The following PHACTR2 variants were observed in gnomAD, a reference collection of about 807,000 sequenced individuals.
PHACTR2 encodes phosphatase and actin regulator 2.
PHACTR2 carries 30 observed loss-of-function variants against 76.0 expected under a neutral mutation model. The ratio of observed to expected loss-of-function variants is 0.39; its 90% CI spans 0.30 to 0.54. PHACTR2 has a LOEUF of 0.54. Among genes scored for constraint, PHACTR2 ranks in the 20% least tolerant of loss-of-function variants. The pLI is 0.61. For synonymous variants in PHACTR2, 292 were observed against 292.5 expected, an observed-to-expected ratio of 1.00 and a Z score of 0.02; for missense variants, 696 against 781.1, an observed-to-expected ratio of 0.89 and a Z score of 1.30.
intron 1 of PHACTR2, among the ~76,000 whole-genome samples, chr6:143,609,461 ATGTG>A (rs1220490129): frequency 1.3e-5 from 2 of 152,160 alleles, no homozygotes; most frequent in African/African-American, 4.8e-5. Context: ...AAGTGTAAGG[ATGTG>A]TGTGTAGTAG....
rs1470516532 is a variant in PHACTR2 at position 143,794,259 on chromosome 6, T to C, written c.1845+5349T>C. ...TTTATTTTAGAATGAAAATAACACA[T>C]GCTAATCACCATTATTAACAAGCAT... On this transcript the variant is annotated intron_variant, in intron 11 of 12. Coordinates refer to ENST00000440869, the MANE Select transcript of PHACTR2 (RefSeq NM_001100164.2). The surrounding 1 kb of genome is among the most constrained non-coding windows in gnomAD (Gnocchi z 4.1). Among the ~76,000 whole-genome samples the C allele has an allele frequency of 6.6e-6, 1 of 151,420 alleles. No homozygotes were observed. The highest frequency in any genetic ancestry group is 1.9e-4 in the East Asian group (1 of 5,190).
rs114311334 is a variant in PHACTR2, at chr6:143,581,512, G to T, written c.217+44305G>T. Among the ~76,000 whole-genome samples, 1,031 of 152,256 alleles carry T rather than the reference G, an allele frequency of 6.8e-3. 14 individuals are homozygous for T. Among genetic ancestry groups the T allele is most frequent in the African/African-American group, 0.021 (875 of 41,534 alleles). On this transcript the variant is annotated intron_variant, in intron 1 of 11. Transcript: ENST00000367584. This position sits in a 1 kb window ranked among gnomAD's most constrained non-coding sequence, Gnocchi z 4.5. The stretch of plus-strand genomic sequence containing the variant: ...GGACCTTTTCTGCAGACGGTGGCCT[G>T]GAGAAGAAGCTCTTTTTCCACTGAA...
rs1398121572 is a variant in PHACTR2, at chr6:143,707,878, G to A, written c.47-4138G>A. Among the ~76,000 whole-genome samples, 3 of 152,262 alleles carry A rather than the reference G, an allele frequency of 2.0e-5. No individual in the cohort carries two copies. In the East Asian group the frequency reaches 5.8e-4, roughly 29 times the overall value. On this transcript the variant is annotated intron_variant, in intron 1 of 12. Coordinates refer to ENST00000440869, the MANE Select transcript of PHACTR2 (RefSeq NM_001100164.2). ...TATAATCATGGCACGTGAGTGAAGG[G>A]GAAGCAAGCTTGTCTTATATGGCTG...
chr6:143,649,579 TA>T (rs1184741525), intron 1 of PHACTR2, among the ~76,000 whole-genome samples: 8 of 151,970 alleles, frequency 5.3e-5, no homozygotes, highest in Non-Finnish European at 8.8e-5. Context: ...TAAACAGAAC[TA>T]AAGACAAAAA....
intron 1 of PHACTR2, among the ~76,000 whole-genome samples, chr6:143,577,106 T>G (rs1371372494): frequency 6.6e-6 from 1 of 152,166 alleles, no homozygotes. Context: ...AGAAGTTGAA[T>G]GAAATGTAAA....
In PHACTR2 at chr6:143,827,155, A is replaced by AATATATATAC. The variant is rs1554231995; in HGVS notation, c.*3475_*3476insCATATATATA. On this transcript the variant is annotated 3_prime_UTR_variant, in exon 13 of 13. Coordinates refer to ENST00000440869, the MANE Select transcript of PHACTR2 (RefSeq NM_001100164.2). ...GGGCTGCGTTGGCATTAAAAAAGAA[A>AATATATATAC]ATATATATATATATATATATATATA... 4.4e-3 allele frequency: 342 copies of AATATATATAC among 77,240 alleles called. 4 individuals carry two copies. Among genetic ancestry groups the AATATATATAC allele is most frequent in the Middle Eastern group, 0.019 (2 of 108 alleles). The allele number at this position is 77,240 out of a possible 1,614,324, so 4.8% of individuals were successfully genotyped here.
At chr6:143,685,692 A>G (rs905103826) in intron 1 of PHACTR2, among the ~76,000 whole-genome samples, 1 of 151,746 alleles carries the variant, frequency 6.6e-6, no homozygotes. Context: ...TTAAATGAAA[A>G]AAAAAAAAAA....
rs1316353805 is a variant in PHACTR2, at chr6:143,537,859, G to T, written c.217+652G>T. Among the ~76,000 whole-genome samples the T allele has an allele frequency of 6.6e-6, 1 of 152,160 alleles. No homozygotes were observed. The highest frequency in any genetic ancestry group is 1.5e-5 in the Non-Finnish European group (1 of 68,032). On this transcript the variant is annotated intron_variant, in intron 1 of 11. Transcript: ENST00000367584. The surrounding 1 kb of genome is among the most constrained non-coding windows in gnomAD (Gnocchi z 4.4). ...GGTGGCTCACGCCTGTAATTCCAGA[G>T]CTTTGGGAGGCCCAAGGCCGGCCGA...
In PHACTR2 at chr6:143,602,973, C is replaced by T. The variant is rs557052444; in HGVS notation, c.217+65766C>T. 1.8e-4 allele frequency among the ~76,000 whole-genome samples: 27 copies of T among 151,974 alleles called. No individual in the cohort carries two copies. The South Asian group carries it at 2.1e-3, about 12-fold the overall frequency. ...CAGCCTGGCCAACATGGCAAAACCCCGTCTCTACTAAAAATACAAAAACTA... is the reference window on the plus strand; with the variant it reads ...CAGCCTGGCCAACATGGCAAAACCCTGTCTCTACTAAAAATACAAAAACTA... On this transcript the variant is annotated intron_variant, in intron 1 of 11. Coordinates refer to the PHACTR2 transcript ENST00000367584. The surrounding 1 kb of genome is among the most constrained non-coding windows in gnomAD (Gnocchi z 6.1).
rs1405525924 is a variant in PHACTR2 at position 143,818,844 on chromosome 6, C to T, written c.1923-4830C>T. On this transcript the variant is annotated intron_variant, in intron 12 of 12. Transcript: ENST00000440869. The surrounding 1 kb of genome is among the most constrained non-coding windows in gnomAD (Gnocchi z 4.9). ...GAGATTACAATTCAAGGTGAGGTTTCGGAGGGAACACAGCCAAACCATATC... is the reference window on the plus strand; with the variant it reads ...GAGATTACAATTCAAGGTGAGGTTTTGGAGGGAACACAGCCAAACCATATC... Among the ~76,000 whole-genome samples, 2 of 152,098 alleles carry T rather than the reference C, an allele frequency of 1.3e-5. No individual in the cohort carries two copies. Among genetic ancestry groups the T allele is most frequent in the African/African-American group, 2.4e-5 (1 of 41,394 alleles).
At chr6:143,815,162 A>G (rs1236046707) in intron 12 of PHACTR2, among the ~76,000 whole-genome samples, 1 of 152,204 alleles carries the variant, frequency 6.6e-6, no homozygotes, top group Non-Finnish European at 1.5e-5. Context: ...AGAAATTAAA[A>G]GAGTTGCAAA....
Position 143,789,490 on chromosome 6 carries a change from A to G in PHACTR2, c.1845+580A>G, listed in dbSNP as rs1310757830. On this transcript the variant is annotated intron_variant, in intron 11 of 12. Coordinates refer to ENST00000440869, the MANE Select transcript of PHACTR2 (RefSeq NM_001100164.2). The surrounding 1 kb of genome is among the most constrained non-coding windows in gnomAD (Gnocchi z 5.1). ...GGCTTACCAACCCCTAATCTAAATC[A>G]TTGCACACAATTCCTGAAAAATGAA... is the stretch of plus-strand genomic sequence containing the variant. 6.6e-6 allele frequency: 1 copy of G among 152,282 alleles called. No individual in the cohort carries two copies. Among genetic ancestry groups the G allele is most frequent in the Non-Finnish European group, 1.5e-5 (1 of 68,098 alleles). The allele number at this position is 152,282 out of a possible 1,614,324, so 9.4% of individuals were successfully genotyped here.
chr6:143,647,369 G>A lies in PHACTR2; in HGVS notation c.13+39047G>A, dbSNP rs1198633259. 1.3e-5 allele frequency among the ~76,000 whole-genome samples: 2 copies of A among 152,132 alleles called. No homozygotes were observed. The highest frequency in any genetic ancestry group is 2.9e-5 in the Non-Finnish European group (2 of 68,032). ...CCCTGAAACCCTCCTGTTAACCAGT[G>A]ACCTTTTCTCCTCTCAAAATTCTGC... On this transcript the variant is annotated intron_variant, in intron 1 of 11. Coordinates refer to the PHACTR2 transcript ENST00000305766. The surrounding 1 kb of genome is among the most constrained non-coding windows in gnomAD (Gnocchi z 4.2).
Position 143,549,057 on chromosome 6 carries a change from C to A in PHACTR2, c.217+11850C>A, listed in dbSNP as rs767226322. On this transcript the variant is annotated intron_variant, in intron 1 of 11. Transcript: ENST00000367584. This position sits in a 1 kb window ranked among gnomAD's most constrained non-coding sequence, Gnocchi z 4.2. ...CCATGAAGACAGGCATTCTCTCCCC[C>A]CGACCCAGATTGACATGGTGCCTGA... Among the ~76,000 whole-genome samples the A allele has an allele frequency of 5.9e-5, 9 of 151,922 alleles. No individual in the cohort carries two copies. Among genetic ancestry groups the A allele is most frequent in the Non-Finnish European group, 1.2e-4 (8 of 67,934 alleles).
At chr6:143,740,566 A>G (rs1418065343) in intron 2 of PHACTR2, among the ~76,000 whole-genome samples, 2 of 151,424 alleles carry the variant, frequency 1.3e-5, no homozygotes, top group East Asian at 3.9e-4. Flanking sequence ...GTCTGGAAGG[A>G]TACACGAGAC....
At position 143,610,797 on chromosome 6, in the gene PHACTR2, T is replaced by C. The variant is rs1416360790; in HGVS notation, c.13+2475T>C. ...CATCCCTTCCCCATAATTGCTGGCT[T>C]CTGTATTCCTTTAAAAGCTTTTCCT... On this transcript the variant is annotated intron_variant, in intron 1 of 11. Coordinates refer to the PHACTR2 transcript ENST00000305766. This position sits in a 1 kb window ranked among gnomAD's most constrained non-coding sequence, Gnocchi z 4.9. Among the ~76,000 whole-genome samples the C allele has an allele frequency of 1.3e-5, 2 of 152,176 alleles. No individual in the cohort carries two copies. Among genetic ancestry groups the C allele is most frequent in the East Asian group, 3.8e-4 (2 of 5,198 alleles).
intron 10 of PHACTR2, among the ~76,000 whole-genome samples, chr6:143,788,548 T>C (rs1014042408): frequency 6.6e-6 from 1 of 152,078 alleles, no homozygotes; most frequent in African/African-American, 2.4e-5. Context: ...TGCCAAAGAC[T>C]GTGACCTATC....
rs970775032 is a variant in PHACTR2, at chr6:143,739,984, G to C, written c.215-9001G>C. On this transcript the variant is annotated intron_variant, in intron 2 of 12. Transcript: ENST00000440869. This position sits in a 1 kb window ranked among gnomAD's most constrained non-coding sequence, Gnocchi z 4.3. ...GGATCTCGGACAAGAAAGAATTCAG[G>C]GGGAGTCCATAAAGTGAAGTGAAAG... Among the ~76,000 whole-genome samples the C allele has an allele frequency of 2.5e-4, 38 of 152,150 alleles. No homozygotes were observed. Among genetic ancestry groups the C allele is most frequent in the African/African-American group, 9.2e-4 (38 of 41,444 alleles).
intron 9 of PHACTR2, among the ~76,000 whole-genome samples, chr6:143,779,634 C>A (rs1163688083): frequency 6.6e-6 from 1 of 152,092 alleles, no homozygotes; most frequent in Admixed American, 6.5e-5. Flanking sequence ...GGGTGTAAGC[C>A]ACCGTGCCCG....
Sources: allele counts gnomAD v4.1 joint callset (sites outside exome capture counted in the v4.1 genomes callset), GRCh38; gene constraint gnomAD v4.1.1; non-coding constraint Gnocchi (gnomAD v3.1); transcripts MANE v1.5; gene names NCBI Gene and HGNC (gene_info 2026-07-23, HGNC 2026-07-21).